The following PTPRO variants were observed in gnomAD, a reference collection of about 807,000 sequenced individuals.
The protein encoded by PTPRO is receptor-type tyrosine-protein phosphatase O.
Under a neutral mutation model 145.2 loss-of-function variants are expected in PTPRO, and 62 were observed. The observed-to-expected ratio is 0.43, with a 90% CI of 0.35 to 0.53. The LOEUF (loss-of-function observed/expected upper bound fraction) is 0.53, where lower values mean the gene tolerates loss of function less well. PTPRO is among the 20% of genes least tolerant of loss of function. The pLI is 0.01. For missense variants in PTPRO, 1,345 were observed against 1,482.7 expected (o/e 0.91, Z 1.53); for synonymous variants, 565 against 514.7 (o/e 1.10, Z -1.32).
chr12:15,581,594 G>T, intron 22 of PTPRO, 85 bp from the exon 23 acceptor site: 1 of 1,492,742 alleles, frequency 6.7e-7, no homozygotes, highest in South Asian at 1.1e-5. Context: ...CTTTAGAGGC[G>T]AATACCTTTG....
chr12:15,419,135 C>T (rs1189196809), intron 1 of PTPRO, among the ~76,000 whole-genome samples: 1 of 151,458 alleles, frequency 6.6e-6, no homozygotes, highest in Non-Finnish European at 1.5e-5. Flanking sequence ...AGTGAATAGG[C>T]ACAAATCAGC....
At chr12:15,550,231 A>G (rs1333951257) in intron 14 of PTPRO, among the ~76,000 whole-genome samples, 1 of 152,232 alleles carries the variant, frequency 6.6e-6, no homozygotes, top group Non-Finnish European at 1.5e-5. Context: ...TTCTTACAAT[A>G]AAGTAAGCTA....
chr12:15,485,437 C>T (rs904759736), intron 2 of PTPRO, among the ~76,000 whole-genome samples: 1 of 152,148 alleles, frequency 6.6e-6, no homozygotes, highest in African/African-American at 2.4e-5. Flanking sequence ...ATAACGCCTA[C>T]AATACAAACT....
At chr12:15,326,561 GTACT>G in intron 1 of PTPRO, among the ~76,000 whole-genome samples, 1 of 152,148 alleles carries the variant, frequency 6.6e-6, no homozygotes. Flanking sequence ...AATATGAGTT[GTACT>G]TTATTTTAAA....
chr12:15,588,791 G>A (rs889855803), intron 24 of PTPRO, among the ~76,000 whole-genome samples: 4 of 152,172 alleles, frequency 2.6e-5, no homozygotes, highest in African/African-American at 7.2e-5. Context: ...TTGTTTATGT[G>A]TATCAGCTCT....
chr12:15,439,756 G>A (rs1355291953), intron 1 of PTPRO: 3 of 576,560 alleles, frequency 5.2e-6, no homozygotes, highest in South Asian at 4.4e-5. Flanking sequence ...TCAAGTCCCT[G>A]GAGGAGATCT....
intron 15 of PTPRO, among the ~76,000 whole-genome samples, chr12:15,552,795 CTTTTTTT>C (rs747379253): frequency 1.1e-5 from 1 of 91,548 alleles, no homozygotes; most frequent in Non-Finnish European, 2.0e-5. Context: ...GAGGTCAAAT[CTTTTTTT>C]TTTTTTTTTT....
chr12:15,362,604 T>C (rs1391471443), intron 1 of PTPRO, among the ~76,000 whole-genome samples: 1 of 152,126 alleles, frequency 6.6e-6, no homozygotes, highest in Non-Finnish European at 1.5e-5. Context: ...TATTATATGC[T>C]CTTCCTTATA....
intron 1 of PTPRO, among the ~76,000 whole-genome samples, chr12:15,385,956 C>T (rs528036221): frequency 2.7e-3 from 405 of 151,848 alleles, no homozygotes; most frequent in Non-Finnish European, 4.4e-3. Flanking sequence ...AATAATATTT[C>T]CTTGAGATTT....
At chr12:15,355,185 G>A (rs1162069380) in intron 1 of PTPRO, among the ~76,000 whole-genome samples, 1 of 152,120 alleles carries the variant, frequency 6.6e-6, no homozygotes, top group Non-Finnish European at 1.5e-5. Flanking sequence ...ATCTGACACA[G>A]GTCTCTTAAA....
intron 25 of PTPRO, among the ~76,000 whole-genome samples, chr12:15,590,493 T>C (rs1415580833): frequency 6.6e-6 from 1 of 152,140 alleles, no homozygotes; most frequent in Non-Finnish European, 1.5e-5. Context: ...TTAAAATGCT[T>C]TGGTCTTCCT....
intron 1 of PTPRO, among the ~76,000 whole-genome samples, chr12:15,375,468 A>C (rs1398967590): frequency 6.6e-6 from 1 of 152,184 alleles, no homozygotes; most frequent in African/African-American, 2.4e-5. Context: ...GTAAAGAAAC[A>C]GAAATTAGGT....
intron 1 of PTPRO, among the ~76,000 whole-genome samples, chr12:15,351,795 A>C (rs1412419490): frequency 1.3e-5 from 2 of 152,232 alleles, no homozygotes; most frequent in African/African-American, 2.4e-5. Flanking sequence ...TAACAAAAAA[A>C]CATTGCTCCT....
intron 13 of PTPRO, among the ~76,000 whole-genome samples, chr12:15,547,926 A>T (rs755573749): frequency 1.3e-5 from 2 of 152,206 alleles, no homozygotes; most frequent in Non-Finnish European, 2.9e-5. Context: ...GTTGTACAGT[A>T]GTACTTGTCA....
chr12:15,428,709 G>C (rs1000762386), intron 1 of PTPRO, among the ~76,000 whole-genome samples: 2 of 152,124 alleles, frequency 1.3e-5, no homozygotes, highest in Middle Eastern at 3.4e-3. Context: ...TAATGTAAGC[G>C]GTCATCCAAG....
Position 15,595,076 on chromosome 12 carries a change from T to G in PTPRO, c.*16+19T>G. 11 of 1,492,910 alleles carry G rather than the reference T, an allele frequency of 7.4e-6. No homozygotes were observed. Among genetic ancestry groups the G allele is most frequent in the Non-Finnish European group, 1.0e-5 (11 of 1,071,422 alleles). The allele number at this position is 1,492,910 out of a possible 1,614,324, so 92.5% of individuals were successfully genotyped here. ...CGGAGCAGTAAGTGGAGAAGAGCTC[T>G]CCACGAGTGCTCAGTCTTAGAACTA... is the stretch of plus-strand genomic sequence containing the variant. On this transcript the variant is annotated intron_variant, in intron 26 of 26. Transcript: ENST00000281171.
At chr12:15,449,123 C>CA (rs59963079) in intron 1 of PTPRO, among the ~76,000 whole-genome samples, 120,161 of 140,664 alleles carry the variant, frequency 0.85, 52,240 homozygotes, top group South Asian at 0.96. Context: ...GATTTACAGA[C>CA]AAAAAAAAAA....
intron 12 of PTPRO, among the ~76,000 whole-genome samples, chr12:15,540,919 G>C (rs547503049): frequency 4.6e-5 from 7 of 152,322 alleles, no homozygotes; most frequent in African/African-American, 1.7e-4. Context: ...CAAACCCGGA[G>C]AGGCATGGAA....
chr12:15,562,972 A>T (rs780631022), intron 17 of PTPRO, among the ~76,000 whole-genome samples: 1 of 152,232 alleles, frequency 6.6e-6, no homozygotes, highest in East Asian at 1.9e-4. Flanking sequence ...AGTAAGCAGC[A>T]CTTACAAAAT....
Sources: allele counts gnomAD v4.1 joint callset (sites outside exome capture counted in the v4.1 genomes callset), GRCh38; gene constraint gnomAD v4.1.1; transcripts MANE v1.5; gene names NCBI Gene and HGNC (gene_info 2026-07-23, HGNC 2026-07-21).